RUSF1: variants seen among roughly 807,000 people sequenced by gnomAD.
The protein encoded by RUSF1 is RUS1 family protein C16orf58.
A neutral mutation model predicts 63.0 loss-of-function variants in RUSF1; 58 were observed. The ratio of observed to expected loss-of-function variants is 0.92; its 90% CI spans 0.75 to 1.15. The LOEUF (loss-of-function observed/expected upper bound fraction) is 1.15, where lower values mean the gene tolerates loss of function less well. Among genes scored for constraint, RUSF1 ranks in the 50% most tolerant of loss-of-function variants. RUSF1 has a pLI of 0.00. For missense variants in RUSF1, 652 were observed against 611.0 expected (o/e 1.07, Z -0.71); for synonymous variants, 274 against 255.8 (o/e 1.07, Z -0.68).
At position 31,490,068 on chromosome 16, in the gene RUSF1, G is replaced by T; in HGVS notation, c.*767C>A. ...CTTTAGGGCCAGGCATGGGGGGACA[G>T]AACTCCCACCTCGTTCGTGCTCCCA... On this transcript the variant is annotated 3_prime_UTR_variant, in exon 13 of 13. Transcript: ENST00000327237. 1.9e-6 allele frequency: 3 copies of T among 1,612,158 alleles called. No individual in the cohort carries two copies. Among genetic ancestry groups the T allele is most frequent in the South Asian group, 1.1e-5 (1 of 90,764 alleles).
chr16:31,494,968 CTT>C (rs2082594574), intron 6 of RUSF1, among the ~76,000 whole-genome samples: 2 of 152,184 alleles, frequency 1.3e-5, no homozygotes, highest in Non-Finnish European at 2.9e-5. Flanking sequence ...GCTGGAATAA[CTT>C]TTATTTACTG....
At chr16:31,508,003 C>CA (rs2082670199) in intron 1 of RUSF1, 71 bp downstream of exon 1, 2 of 1,546,190 alleles carry the variant, frequency 1.3e-6, no homozygotes, top group Admixed American at 2.0e-5. Context: ...CTCCGAGTCT[C>CA]AGTCACCCGT....
At chr16:31,497,071 T>G (rs2142651074) in intron 5 of RUSF1, 121 bp from the exon 6 acceptor site, 4 of 744,888 alleles carry the variant, frequency 5.4e-6, no homozygotes, top group East Asian at 2.9e-5. Context: ...TGGCATCTAG[T>G]TCTCACCTTG....
chr16:31,495,234 C>G (rs2082595787), intron 6 of RUSF1, among the ~76,000 whole-genome samples: 1 of 152,174 alleles, frequency 6.6e-6, no homozygotes, highest in Non-Finnish European at 1.5e-5. Context: ...GACTACTGGG[C>G]TCCCAGGGAG....
rs766725561 is a variant in RUSF1 at position 31,493,722 on chromosome 16, C to T, written c.839G>A (p.Arg280Gln). ...LHIYANYRAV[R>Q]ALVMETLNEG... is the part of the protein sequence containing the mutation. ...GTTCAAGGTCTCCATGACCAGGGCT[C>T]GGACCGCGCGGTAGTTGGCGTAGAT... is the stretch of plus-strand genomic sequence containing the variant. The change falls in exon 8 of 13, where the codon CGA (arginine) becomes CAA (glutamine). Residue 280 changes from arginine to glutamine, a missense_variant. Arg to Gln is a conservative substitution (Grantham distance 43). Transcript: ENST00000327237. 41 of 1,614,082 alleles carry T rather than the reference C, an allele frequency of 2.5e-5. No individual in the cohort carries two copies. Among genetic ancestry groups the T allele is most frequent in the Middle Eastern group, 1.6e-4 (1 of 6,084 alleles).
At chr16:31,501,388 A>G (rs2082632122) in intron 2 of RUSF1, among the ~76,000 whole-genome samples, 1 of 152,112 alleles carries the variant, frequency 6.6e-6, no homozygotes, top group African/African-American at 2.4e-5. Context: ...TGAGGCCAGG[A>G]GTTCAAGACC....
chr16:31,494,832 T>C (rs2082593807), intron 6 of RUSF1, among the ~76,000 whole-genome samples: 1 of 152,016 alleles, frequency 6.6e-6, no homozygotes, highest in South Asian at 2.1e-4. Flanking sequence ...CCACCACGCC[T>C]CTGCTAATTA....
chr16:31,495,250 G>A (rs961312250), intron 6 of RUSF1, among the ~76,000 whole-genome samples: 3 of 152,022 alleles, frequency 2.0e-5, no homozygotes, highest in South Asian at 2.1e-4. Context: ...GGGAGAGCTG[G>A]TCCTGGCATA....
At position 31,496,922 on chromosome 16, in the gene RUSF1, G is replaced by A. The variant is rs748266246; in HGVS notation, c.629C>T (p.Thr210Ile). 2 of 1,609,540 alleles carry A rather than the reference G, an allele frequency of 1.2e-6. No homozygotes were observed. The highest frequency in any genetic ancestry group is 1.7e-6 in the Non-Finnish European group (2 of 1,178,334). Residue 210 changes from threonine (T) to isoleucine (I), a missense_variant, in exon 6 of 13, where the codon ACT (threonine) becomes ATT (isoleucine). Physicochemically the swap from Thr to Ile is moderately conservative, Grantham distance 89 (BLOSUM62 -1). Transcript: ENST00000327237. Reference sequence around the variant, plus strand: ...CTGGTGCACGGTCAGGGCAGCCCGAGTGGCCCCACCAGCAACACTCACGAT... The same window carrying A: ...CTGGTGCACGGTCAGGGCAGCCCGAATGGCCCCACCAGCAACACTCACGAT... ...KCIVSVAGGA[T>I]RAALTVHQAR...
At chr16:31,493,377 G>A in intron 9 of RUSF1, 90 bp downstream of exon 9, 4 of 1,466,720 alleles carry the variant, frequency 2.7e-6, no homozygotes, top group Non-Finnish European at 2.8e-6. Context: ...GGACAGAGAG[G>A]TGGGGCCTTG....
At chr16:31,491,746 C>T (rs1307228345) in intron 12 of RUSF1, among the ~76,000 whole-genome samples, 1 of 151,822 alleles carries the variant, frequency 6.6e-6, no homozygotes, top group African/African-American at 2.4e-5. Context: ...TGAGTAGCTG[C>T]AACCACAAGA....
chr16:31,503,289 G>T (rs1456636220), intron 2 of RUSF1, among the ~76,000 whole-genome samples: 2 of 152,116 alleles, frequency 1.3e-5, no homozygotes, highest in Non-Finnish European at 2.9e-5. Flanking sequence ...AGTCTGCCTA[G>T]GTCAAAATCA....
In RUSF1 at chr16:31,490,709, G is replaced by T; in HGVS notation, c.*126C>A. 1 of 1,207,958 alleles carries T rather than the reference G, an allele frequency of 8.3e-7. No individual in the cohort carries two copies. Among genetic ancestry groups the T allele is most frequent in the Non-Finnish European group, 1.2e-6 (1 of 828,308 alleles). 74.8% of individuals were successfully genotyped at this position (1,207,958 alleles called of 1,614,324 possible). On this transcript the variant is annotated 3_prime_UTR_variant, in exon 13 of 13. Transcript: ENST00000327237. Reference sequence around the variant, plus strand: ...CATCTGATTGGCAGTCACTTCCCATGAGGGCCTGGCCCACCCGCTGCAGTT... The same window carrying T: ...CATCTGATTGGCAGTCACTTCCCATTAGGGCCTGGCCCACCCGCTGCAGTT...
chr16:31,490,467 C>G lies in RUSF1; in HGVS notation c.*368G>C, dbSNP rs148924550. 72 of 1,613,852 alleles carry G rather than the reference C, an allele frequency of 4.5e-5. No individual in the cohort carries two copies. In the African/African-American group the frequency reaches 7.7e-4, roughly 17 times the overall value. On this transcript the variant is annotated 3_prime_UTR_variant, in exon 13 of 13. Coordinates refer to ENST00000327237, the MANE Select transcript of RUSF1 (RefSeq NM_022744.4). ...CATCAGCGAGGACCCGAGCTGGGCC[C>G]GTGTGGTCAACCTCAATGCCCTGCT...
intron 9 of RUSF1, chr16:31,493,265 C>T (rs995072793): frequency 1.1e-6 from 1 of 874,878 alleles, no homozygotes; most frequent in African/African-American, 1.7e-5. Flanking sequence ...CCTTCCTTCA[C>T]CCATCAAGCA....
Position 31,500,766 on chromosome 16 carries a change from A to AGAGGTGTGG in RUSF1, c.416-44_416-36dup, listed in dbSNP as rs754659541. On this transcript the variant is annotated intron_variant, in intron 2 of 12. Transcript: ENST00000327237. ...AGAAGGCACAGGTAAGGAGCAAGGA[A>AGAGGTGTGG]GAGGTGTGGGAGCTGTGGGGCCTGG... 4 of 1,603,894 alleles carry AGAGGTGTGG rather than the reference A, an allele frequency of 2.5e-6. No individual in the cohort carries two copies. In the South Asian group the frequency reaches 4.5e-5, roughly 18 times the overall value.
intron 2 of RUSF1, among the ~76,000 whole-genome samples, chr16:31,504,961 G>A (rs796763443): frequency 8.5e-5 from 13 of 152,196 alleles, no homozygotes; most frequent in African/African-American, 2.9e-4. Context: ...CTCCATTCTC[G>A]ATTAACCAGG....
intron 2 of RUSF1, among the ~76,000 whole-genome samples, chr16:31,501,316 G>T (rs768800228): frequency 7.9e-5 from 12 of 152,138 alleles, no homozygotes; most frequent in Non-Finnish European, 1.3e-4. Flanking sequence ...GCTGGGTATG[G>T]TGGCTCAGGC....
intron 3 of RUSF1, among the ~76,000 whole-genome samples, chr16:31,500,442 C>T (rs997274540): frequency 6.6e-6 from 1 of 152,208 alleles, no homozygotes; most frequent in Admixed American, 6.5e-5. Context: ...CACATCCAAT[C>T]CCATCCTACA....
Sources: gnomAD v4.1 joint callset for allele counts (sites outside exome capture counted in the v4.1 genomes callset) on GRCh38, gnomAD v4.1.1 for gene constraint, MANE v1.5 for transcripts, NCBI Gene and HGNC (gene_info 2026-07-23, HGNC 2026-07-21) for gene names.